The following CCDC39 variants were observed in gnomAD, a reference collection of about 807,000 sequenced individuals.
CCDC39 encodes coiled-coil domain-containing protein 39.
A neutral mutation model predicts 121.0 loss-of-function variants in CCDC39; 113 were observed. The observed-to-expected ratio is 0.93, with a 90% confidence interval of 0.80 to 1.09. The LOEUF (loss-of-function observed/expected upper bound fraction) is 1.09. Among genes scored for constraint, CCDC39 ranks in the 50% least tolerant of loss-of-function variants. The probability of loss-of-function intolerance (pLI) is 0.00; values close to 1 mark genes in which losing one functional copy is unlikely to be tolerated. For synonymous variants in CCDC39, 349 were observed against 352.2 expected (o/e 0.99, Z 0.10); for missense variants, 1,063 against 1,074.7 (o/e 0.99, Z 0.15).
At chr3:180,667,911 G>A in intron 1 of CCDC39, among the ~76,000 whole-genome samples, 1 of 152,160 alleles carries the variant, frequency 6.6e-6, no homozygotes, top group Admixed American at 6.5e-5. Flanking sequence ...TAGCCTTATT[G>A]CTGAAATGGA....
chr3:180,661,819 T>A, intron 3 of CCDC39, 42 bp downstream of exon 3: 1 of 1,516,372 alleles, frequency 6.6e-7, no homozygotes, highest in Non-Finnish European at 8.9e-7. Context: ...GATGGAAGAA[T>A]GAGCAGTAGC....
At chr3:180,651,084 A>G (rs1293642232) in intron 9 of CCDC39, among the ~76,000 whole-genome samples, 3 of 151,936 alleles carry the variant, frequency 2.0e-5, no homozygotes, top group Non-Finnish European at 4.4e-5. Flanking sequence ...AATCCCAACT[A>G]CTCGGGAGGC....
At chr3:180,616,107 C>T (rs1003453319) in intron 19 of CCDC39, among the ~76,000 whole-genome samples, 174 bp downstream of exon 19, 10 of 152,182 alleles carry the variant, frequency 6.6e-5, no homozygotes, top group Non-Finnish European at 1.3e-4. Flanking sequence ...GTTCTGCTGG[C>T]TGTTTCTGCA....
chr3:180,616,579 C>T lies in CCDC39; in HGVS notation c.2523G>A (p.Met841Ile), dbSNP rs1717252661. 1.2e-6 allele frequency: 2 copies of T among 1,601,490 alleles called. No individual in the cohort carries two copies. The highest frequency in any genetic ancestry group is 2.3e-5 in the South Asian group (2 of 88,420). The change falls in exon 18 of 20, where the codon ATG becomes ATA. Residue 841 changes from methionine (M) to isoleucine (I), a missense_variant. By Grantham distance (10) the Met-to-Ile change is conservative. Coordinates refer to ENST00000476379, the MANE Select transcript of CCDC39 (RefSeq NM_181426.2). ...MKQFHKVIDE[M>I]LVDIIEENTE... ...TATTTTCTTCTATGATATCAACTAA[C>T]ATTTCATCAATAACTTTGTGAAACT...
Position 180,679,352 on chromosome 3 carries a change from T to G in CCDC39, c.29A>C (p.His10Pro), listed in dbSNP as rs752194812. The G allele has an allele frequency of 3.7e-6, 6 of 1,613,810 alleles. No individual in the cohort carries two copies. In the African/African-American group the frequency reaches 5.3e-5, roughly 14 times the overall value. The change falls in exon 1 of 20, where the codon CAC becomes CCC. Residue 10 changes from histidine to proline, a missense_variant. His to Pro is a moderately conservative substitution (Grantham distance 77). Transcript: ENST00000476379. This position sits in a 1 kb window ranked among gnomAD's most constrained non-coding sequence, Gnocchi z 4.0. ...CGGGATGGCGAACCCATCCTCCCAG[T>G]GCAGCTCAGCCAGGAATTCGCTACT... The part of the protein sequence containing the change: MSSEFLAEL[H>P]WEDGFAIPVA...
At chr3:180,617,696 T>C in intron 16 of CCDC39, 1 of 391,900 alleles carries the variant, frequency 2.6e-6, no homozygotes, top group Non-Finnish European at 4.5e-6. Context: ...GAACAATGAG[T>C]GCTTAAGCTA....
In CCDC39 at chr3:180,619,830, A is replaced by C. The variant is rs1717384012; in HGVS notation, c.2139T>G (p.Phe713Leu). Residue 713 changes from phenylalanine (F) to leucine (L), a missense_variant, in exon 15 of 20, where the codon TTT becomes TTG. Physicochemically the swap from Phe to Leu is conservative, Grantham distance 22. Transcript: ENST00000476379. ...NSCNNNYKQS[F>L]KKVTPSSDEY... is the part of the protein sequence containing the mutation. ...ACATACTAGATGGAGTCACTTTTTT[A>C]AAAGATTGCTTATAATTGTTGTTAC... The C allele has an allele frequency of 1.3e-6, 2 of 1,594,148 alleles. No individual in the cohort carries two copies. The highest frequency in any genetic ancestry group is 1.7e-6 in the Non-Finnish European group (2 of 1,170,652).
At position 180,614,948 on chromosome 3, in the gene CCDC39, A is replaced by G. The variant is rs1242290618; in HGVS notation, c.2799T>C (p.Asn933=). ...RPSSASSSSS[N]VKSKKSSK ...ATTTGCTGCTCTTTTTGCTCTTAACATTACTAGAGCTACTACTAGCACTAG... is the reference window on the plus strand; with the variant it reads ...ATTTGCTGCTCTTTTTGCTCTTAACGTTACTAGAGCTACTACTAGCACTAG... Residue 933 remains asparagine, a synonymous_variant, in exon 20 of 20, where the codon AAT becomes AAC. Transcript: ENST00000476379. 1.9e-6 allele frequency: 3 copies of G among 1,566,334 alleles called. No homozygotes were observed. The highest frequency in any genetic ancestry group is 1.7e-6 in the Non-Finnish European group (2 of 1,153,608).
intron 11 of CCDC39, among the ~76,000 whole-genome samples, chr3:180,646,167 T>C (rs1413685930): frequency 2.0e-5 from 3 of 152,126 alleles, no homozygotes; most frequent in African/African-American, 7.2e-5. Flanking sequence ...AATTTAAAAC[T>C]AGTTTTATCT....
In CCDC39 at chr3:180,622,169, G is replaced by A. The variant is rs796679336; in HGVS notation, c.1999-2199C>T. Among the ~76,000 whole-genome samples the A allele has an allele frequency of 1.3e-4, 20 of 151,936 alleles. 2 individuals are homozygous for A. Among genetic ancestry groups the A allele is most frequent in the African/African-American group, 4.8e-4 (20 of 41,478 alleles). ...AAATACATTTCTAGGTACTGTTTTT[G>A]TATCTGTTATAAATGGAATTGCCTT... On this transcript the variant is annotated intron_variant, in intron 14 of 19. Transcript: ENST00000476379.
intron 14 of CCDC39, among the ~76,000 whole-genome samples, chr3:180,620,429 T>A (rs1316541379): frequency 1.3e-5 from 2 of 152,042 alleles, no homozygotes; most frequent in East Asian, 1.9e-4. Flanking sequence ...ATAATTTTTT[T>A]AAAAAAAGAT....
chr3:180,673,053 C>A (rs957206913), intron 1 of CCDC39, among the ~76,000 whole-genome samples: 1 of 152,176 alleles, frequency 6.6e-6, no homozygotes, highest in East Asian at 1.9e-4. Context: ...TGAATTGCTG[C>A]AATTTTATTA....
rs1257192246 is a variant in CCDC39, at chr3:180,652,150, GT to G, written c.1034+12del. 17 of 1,325,592 alleles carry G rather than the reference GT, an allele frequency of 1.3e-5. No individual in the cohort carries two copies. Among genetic ancestry groups the G allele is most frequent in the South Asian group, 4.3e-5 (3 of 69,770 alleles). 82.1% of individuals were successfully genotyped at this position (1,325,592 alleles called of 1,614,324 possible). On this transcript the variant is annotated intron_variant, in intron 8 of 19. Transcript: ENST00000476379. ...AAATAATCATAAACATATTTAGATA[GT>G]TTTTTTCTTACCTTGCTGTTTCTTC...
rs1229000702 is a variant in CCDC39, at chr3:180,679,461, G to T, written c.-81C>A. The T allele has an allele frequency of 3.0e-6, 4 of 1,318,798 alleles. No individual in the cohort carries two copies. The African/African-American group carries it at 5.8e-5, about 19-fold the overall frequency. The allele number at this position is 1,318,798 out of a possible 1,614,324, so 81.7% of individuals were successfully genotyped here. A position where few individuals can be genotyped will look rare whatever the true frequency, so the allele number is the denominator to read the frequency against. Reference sequence around the variant, plus strand: ...GTGAGCAGCACCCGCGTCAAGCCCAGGCACCTGCACAGTGCCGCGGCAATT... The same window carrying T: ...GTGAGCAGCACCCGCGTCAAGCCCATGCACCTGCACAGTGCCGCGGCAATT... On this transcript the variant is annotated 5_prime_UTR_variant, in exon 1 of 20. The change creates a new upstream start codon in the 5' untranslated region. Coordinates refer to ENST00000476379, the MANE Select transcript of CCDC39 (RefSeq NM_181426.2). The surrounding 1 kb of genome is among the most constrained non-coding windows in gnomAD (Gnocchi z 4.0).
intron 8 of CCDC39, among the ~76,000 whole-genome samples, chr3:180,651,912 C>A (rs1711500446): frequency 6.6e-6 from 1 of 151,980 alleles, no homozygotes; most frequent in Non-Finnish European, 1.5e-5. Flanking sequence ...TGGCGGGCAC[C>A]TGTAGTCCCA....
chr3:180,635,953 C>T (rs1717816203), intron 13 of CCDC39, among the ~76,000 whole-genome samples: 1 of 152,082 alleles, frequency 6.6e-6, no homozygotes, highest in African/African-American at 2.4e-5. Context: ...AGGAACATAC[C>T]TCAAAATAAT....
intron 1 of CCDC39, among the ~76,000 whole-genome samples, chr3:180,676,634 C>T (rs537493925): frequency 2.0e-5 from 3 of 152,256 alleles, no homozygotes; most frequent in African/African-American, 7.2e-5. Context: ...CCAGCCATCC[C>T]ATTACTGGGT....
In CCDC39 at chr3:180,660,591, T is replaced by C; in HGVS notation, c.495A>G (p.Gln165=). ...SDALTLQKYA[Q]QDDNKIRALT... The stretch of plus-strand genomic sequence containing the variant: ...TCACCCTGATTTTATTATCATCTTG[T>C]TGTGCATACTTCTGGAGAGTGAGAG... Residue 165 remains glutamine, a synonymous_variant, in exon 4 of 20, where the codon CAA becomes CAG. Coordinates refer to ENST00000476379, the MANE Select transcript of CCDC39 (RefSeq NM_181426.2). 1.3e-6 allele frequency: 2 copies of C among 1,592,050 alleles called. No individual in the cohort carries two copies. Among genetic ancestry groups the C allele is most frequent in the Non-Finnish European group, 1.7e-6 (2 of 1,167,152 alleles).
chr3:180,617,414 A>G (rs1211588571), intron 16 of CCDC39: 1 of 663,686 alleles, frequency 1.5e-6, no homozygotes, highest in South Asian at 1.7e-5. Context: ...TAACTATAAA[A>G]CAGCCTCAGG....
Sources: gnomAD v4.1 joint callset for allele counts (sites outside exome capture counted in the v4.1 genomes callset) on GRCh38, gnomAD v4.1.1 for gene constraint, Gnocchi (gnomAD v3.1) non-coding constraint, MANE v1.5 for transcripts, NCBI Gene and HGNC (gene_info 2026-07-23, HGNC 2026-07-21) for gene names.